RNF217: variants seen among roughly 807,000 people sequenced by gnomAD.
RNF217 encodes the protein ring finger protein 217, also known as E3 ubiquitin-protein ligase RNF217.
A neutral mutation model predicts 57.8 loss-of-function variants in RNF217; 31 were observed. That is an observed-to-expected ratio of 0.54 (90% confidence interval 0.40 to 0.72). RNF217 has a LOEUF of 0.72. RNF217 is among the 30% of genes least tolerant of loss of function. The pLI, the probability that RNF217 is intolerant of heterozygous loss-of-function variation, is 0.00. For synonymous variants in RNF217, 313 were observed against 294.0 expected (o/e 1.06, Z -0.66); for missense variants, 696 against 708.3 (o/e 0.98, Z 0.20).
intron 4 of RNF217, 149 bp from the exon 5 acceptor site, chr6:125,081,287 C>A (rs1788563571): frequency 1.7e-6 from 1 of 595,014 alleles, no homozygotes; most frequent in Non-Finnish European, 3.0e-6. Context: ...TATACCTAAT[C>A]CTGATACATT....
chr6:125,063,757 TACC>T (rs1418965760), intron 3 of RNF217, among the ~76,000 whole-genome samples: 1 of 152,074 alleles, frequency 6.6e-6, no homozygotes, highest in African/African-American at 2.4e-5. Context: ...AAGAGGTAAT[TACC>T]ACCATTTCAA....
At chr6:125,052,872 A>T (rs999401529) in intron 2 of RNF217, among the ~76,000 whole-genome samples, 1 of 152,094 alleles carries the variant, frequency 6.6e-6, no homozygotes, top group Admixed American at 6.6e-5. Flanking sequence ...CATGTTTCCT[A>T]TGCAGAGTTT....
In RNF217 at chr6:125,045,364, T is replaced by C. The variant is rs1414517699; in HGVS notation, c.1036T>C (p.Cys346Arg). ...LGRIDSSTKP[C>R]PQCKHFTTFK... ...CCGTATTGATTCCAGCACCAAGCCATGTCCTCAGTGCAAGCACTTTACAAC... is the reference window on the plus strand; with the variant it reads ...CCGTATTGATTCCAGCACCAAGCCACGTCCTCAGTGCAAGCACTTTACAAC... Residue 346 changes from cysteine to arginine, a missense_variant, in exon 2 of 6, where the codon TGT becomes CGT. Physicochemically the swap from Cys to Arg is radical, Grantham distance 180. This residue lies in a region of RNF217 where 231 missense variants were observed against 321.4 expected (regional missense o/e 0.72). Transcript: ENST00000521654. 2 of 1,613,390 alleles carry C rather than the reference T, an allele frequency of 1.2e-6. No individual in the cohort carries two copies. The highest frequency in any genetic ancestry group is 1.7e-6 in the Non-Finnish European group (2 of 1,179,706).
chr6:124,999,437 G>A (rs1389409490), intron 1 of RNF217, among the ~76,000 whole-genome samples: 1 of 151,878 alleles, frequency 6.6e-6, no homozygotes, highest in Non-Finnish European at 1.5e-5. Context: ...TAGAAAAAGA[G>A]CAAATACAAT....
chr6:125,021,893 T>C (rs1785856532), intron 1 of RNF217, among the ~76,000 whole-genome samples: 2 of 151,996 alleles, frequency 1.3e-5, no homozygotes, highest in Non-Finnish European at 1.5e-5. Flanking sequence ...CCTTCCCCCC[T>C]TTTTTTGAGA....
chr6:124,962,679 C>A lies in RNF217; in HGVS notation c.135C>A (p.Ala45=). The part of the protein sequence containing the change: ...GDSARAPPLR[A]ASAEPSGGGC... Reference sequence around the variant, plus strand: ...GCGCCCGGGCGCCCCCGCTGCGCGCCGCCTCCGCGGAGCCGAGCGGCGGTG... The same window carrying A: ...GCGCCCGGGCGCCCCCGCTGCGCGCAGCCTCCGCGGAGCCGAGCGGCGGTG... Residue 45 remains alanine, a synonymous_variant, in exon 1 of 6, where the codon GCC becomes GCA. Transcript: ENST00000521654. This position sits in a 1 kb window ranked among gnomAD's most constrained non-coding sequence, Gnocchi z 4.6. 7.4e-7 allele frequency: 1 copy of A among 1,345,008 alleles called. No individual in the cohort carries two copies. Among genetic ancestry groups the A allele is most frequent in the Non-Finnish European group, 9.4e-7 (1 of 1,059,954 alleles). 83.3% of individuals were successfully genotyped at this position (1,345,008 alleles called of 1,614,324 possible).
In RNF217 at chr6:124,963,439, C is replaced by G; in HGVS notation, c.882+13C>G. 3 of 1,447,676 alleles carry G rather than the reference C, an allele frequency of 2.1e-6. No homozygotes were observed. The highest frequency in any genetic ancestry group is 1.8e-6 in the Non-Finnish European group (2 of 1,104,478). 89.7% of individuals were successfully genotyped at this position (1,447,676 alleles called of 1,614,324 possible). On this transcript the variant is annotated intron_variant, in intron 1 of 5. Transcript: ENST00000521654. ...CCTGAGCGCCCAGGTAACTTCACCC[C>G]CTTCTCTTCCCCATTTATCATTCCA...
At position 125,039,282 on chromosome 6, in the gene RNF217, G is replaced by A. The variant is rs151186494; in HGVS notation, c.883-5929G>A. ...CTTTAAGTTCCAGGATACATGTACC[G>A]AAGCAAGGGTTGCAATCCTAGTCTC... On this transcript the variant is annotated intron_variant, in intron 1 of 5. Transcript: ENST00000521654. 5.6e-4 allele frequency among the ~76,000 whole-genome samples: 85 copies of A among 151,206 alleles called. No homozygotes were observed. In the East Asian group the frequency reaches 0.015, roughly 26 times the overall value.
chr6:124,976,250 ACTCCCTCCCTCCCTCC>A (rs764577352), intron 1 of RNF217, among the ~76,000 whole-genome samples: 1 of 127,906 alleles, frequency 7.8e-6, no homozygotes, highest in Non-Finnish European at 1.7e-5. Context: ...TCCCTCCCTC[ACTCCCTCCCTCCCTCC>A]CTCCCTCCCG....
rs1200265612 is a variant in RNF217, at chr6:125,042,603, G to C, written c.883-2608G>C. Among the ~76,000 whole-genome samples the C allele has an allele frequency of 8.2e-4, 124 of 152,066 alleles. 2 individuals are homozygous for C. The highest frequency in any genetic ancestry group is 4.4e-5 in the Non-Finnish European group (3 of 68,006). On this transcript the variant is annotated intron_variant, in intron 1 of 5. Coordinates refer to ENST00000521654, the MANE Select transcript of RNF217 (RefSeq NM_001286398.3). ...TATTCTTCGGAAATTGAATAGATTT[G>C]CAGATTTGAGAAATACTGCAGTAGA...
At chr6:124,997,902 G>A (rs556498002) in intron 1 of RNF217, among the ~76,000 whole-genome samples, 10 of 151,904 alleles carry the variant, frequency 6.6e-5, no homozygotes, top group South Asian at 4.2e-4. Flanking sequence ...TGATCCCACC[G>A]CTTGAACTGT....
At chr6:125,012,089 A>G (rs996246725) in intron 1 of RNF217, among the ~76,000 whole-genome samples, 2 of 152,204 alleles carry the variant, frequency 1.3e-5, no homozygotes, top group African/African-American at 4.8e-5. Context: ...AGGTAGTTTG[A>G]TATGTAGTCT....
rs1192766734 is a variant in RNF217, at chr6:125,087,655, G to A, written c.*4718G>A. The A allele has an allele frequency of 6.6e-6, 1 of 151,968 alleles. No homozygotes were observed. Among genetic ancestry groups the A allele is most frequent in the Non-Finnish European group, 1.5e-5 (1 of 67,968 alleles). The allele number at this position is 151,968 out of a possible 1,614,324, so 9.4% of individuals were successfully genotyped here. A position where few individuals can be genotyped will look rare whatever the true frequency, so the allele number is the denominator to read the frequency against. ...AATATGTGTCATCTCTTTAAATTTGGGAGGAATCAGAAGCTAAAGATTTAA... is the reference window on the plus strand; with the variant it reads ...AATATGTGTCATCTCTTTAAATTTGAGAGGAATCAGAAGCTAAAGATTTAA... On this transcript the variant is annotated 3_prime_UTR_variant, in exon 6 of 6. Transcript: ENST00000521654.
chr6:124,974,465 A>G (rs1323069400), intron 1 of RNF217, among the ~76,000 whole-genome samples: 1 of 152,216 alleles, frequency 6.6e-6, no homozygotes, highest in Non-Finnish European at 1.5e-5. Flanking sequence ...AGTGAAAGCT[A>G]TTATCTTATA....
In RNF217 at chr6:125,087,903, T is replaced by C. The variant is rs1222242083; in HGVS notation, c.*4966T>C. The C allele has an allele frequency of 1.3e-5, 2 of 151,726 alleles. No individual in the cohort carries two copies. The highest frequency in any genetic ancestry group is 4.8e-5 in the African/African-American group (2 of 41,346). The allele number at this position is 151,726 out of a possible 1,614,324, so 9.4% of individuals were successfully genotyped here. ...TCTCCCTCACTAAAAATATGATCAA[T>C]CAAAACTACCAGTTTTGCACACCAA... On this transcript the variant is annotated 3_prime_UTR_variant, in exon 6 of 6. Coordinates refer to ENST00000521654, the MANE Select transcript of RNF217 (RefSeq NM_001286398.3).
chr6:124,999,219 T>C (rs980835689), intron 1 of RNF217, among the ~76,000 whole-genome samples: 3 of 152,176 alleles, frequency 2.0e-5, no homozygotes, highest in Non-Finnish European at 2.9e-5. Context: ...TTAAATTTCC[T>C]CTTGTAGGAA....
At chr6:125,070,656 G>A (rs1295011627) in intron 3 of RNF217, among the ~76,000 whole-genome samples, 2 of 152,170 alleles carry the variant, frequency 1.3e-5, no homozygotes, top group Admixed American at 6.5e-5. Flanking sequence ...TTTGAGAAAT[G>A]TCTATTCATG....
At chr6:124,978,789 A>G (rs1037516454) in intron 1 of RNF217, among the ~76,000 whole-genome samples, 15 of 152,274 alleles carry the variant, frequency 9.9e-5, no homozygotes, top group Middle Eastern at 3.4e-3. Context: ...TTGTCCCCTG[A>G]CCAAGAGGAA....
At chr6:125,003,558 G>GT (rs1489531263) in intron 1 of RNF217, among the ~76,000 whole-genome samples, 2 of 152,122 alleles carry the variant, frequency 1.3e-5, no homozygotes, top group Non-Finnish European at 2.9e-5. Context: ...GGTGACTGTA[G>GT]TTAATTTATA....
Sources: allele counts gnomAD v4.1 joint callset (sites outside exome capture counted in the v4.1 genomes callset), GRCh38; gene constraint gnomAD v4.1.1; regional missense constraint gnomAD v4.1.1; non-coding constraint Gnocchi (gnomAD v3.1); transcripts MANE v1.5; gene names NCBI Gene and HGNC (gene_info 2026-07-23, HGNC 2026-07-21).